Variants in AFF2 observed in about 807,000 individuals in gnomAD.
The protein encoded by AFF2 is AF4/FMR2 family member 2.
A neutral mutation model predicts 76.9 loss-of-function variants in AFF2; 14 were observed. That is an observed-to-expected ratio of 0.18 (90% CI 0.12 to 0.28). The LOEUF (loss-of-function observed/expected upper bound fraction) is 0.28. AFF2 is among the 10% of genes least tolerant of loss of function. The pLI is 1.00. For missense variants in AFF2, 868 were observed against 1,001.1 expected (o/e 0.87, Z 1.79); for synonymous variants, 398 against 366.7 (o/e 1.09, Z -0.98).
At chrX:148,797,435 C>T (rs2069999605) in intron 3 of AFF2, among the ~76,000 whole-genome samples, 1 of 111,902 alleles carries the variant, frequency 8.9e-6, no homozygotes, top group South Asian at 3.8e-4. Context: ...ATATAGATGT[C>T]CACCATACTC....
chrX:148,690,705 C>T (rs782288894), intron 3 of AFF2, among the ~76,000 whole-genome samples: 12 of 112,472 alleles, frequency 1.1e-4, no homozygotes, highest in East Asian at 2.8e-4. Context: ...GATTTGTATC[C>T]CCTACTGGCT....
chrX:148,811,588 C>G (rs1421930038), intron 4 of AFF2, among the ~76,000 whole-genome samples: 1 of 112,261 alleles, frequency 8.9e-6, no homozygotes, highest in Non-Finnish European at 1.9e-5. Flanking sequence ...CTTGTTATTC[C>G]TTTCTTCTCC....
intron 2 of AFF2, among the ~76,000 whole-genome samples, chrX:148,652,882 T>C (rs1362934927): frequency 1.8e-5 from 2 of 112,210 alleles, no homozygotes; most frequent in South Asian, 3.7e-4. Context: ...TTGGTTTTTA[T>C]TGAAATGCAG....
At chrX:148,698,580 A>G (rs1299219949) in intron 3 of AFF2, among the ~76,000 whole-genome samples, 2 of 112,499 alleles carry the variant, frequency 1.8e-5, no homozygotes, top group Non-Finnish European at 3.8e-5. Flanking sequence ...ATTTATACAC[A>G]GAATACTTAG....
At chrX:148,542,143 A>G (rs1180946733) in intron 1 of AFF2, among the ~76,000 whole-genome samples, 2 of 109,795 alleles carry the variant, frequency 1.8e-5, no homozygotes, top group African/African-American at 3.3e-5. Context: ...GCATCTTTTA[A>G]AAACAATGGC....
intron 9 of AFF2, among the ~76,000 whole-genome samples, chrX:148,922,882 C>G (rs2071611256): frequency 8.9e-6 from 1 of 111,937 alleles, no homozygotes; most frequent in South Asian, 3.8e-4. Context: ...TCCTCTCCCT[C>G]CGAGGCAGCA....
At chrX:148,756,662 T>A (rs1735803211) in intron 3 of AFF2, among the ~76,000 whole-genome samples, 2 of 112,577 alleles carry the variant, frequency 1.8e-5, no homozygotes, top group Admixed American at 9.4e-5. Context: ...GAAGGTATAG[T>A]TTTGAATTTT....
At position 148,857,743 on chromosome X, in the gene AFF2, A is replaced by G. The variant is rs1218861233; in HGVS notation, c.1262+14310A>G. On this transcript the variant is annotated intron_variant, in intron 7 of 20. Transcript: ENST00000370460. Reference sequence around the variant, plus strand: ...TGGAAGAGCAACTCTCTTGAAAACCAAACTTCACATAAGTTTTATGCAAAA... The same window carrying G: ...TGGAAGAGCAACTCTCTTGAAAACCGAACTTCACATAAGTTTTATGCAAAA... 6.2e-4 allele frequency among the ~76,000 whole-genome samples: 5 copies of G among 8,116 alleles called. No individual in the cohort carries two copies. The Non-Finnish European group carries it at 7.2e-3, about 12-fold the overall frequency. The allele number at this position is 8,116 out of a possible 115,157, so 7.0% of individuals were successfully genotyped here.
intron 3 of AFF2, among the ~76,000 whole-genome samples, chrX:148,715,218 T>C (rs782322260): frequency 2.7e-5 from 3 of 111,420 alleles, no homozygotes; most frequent in Admixed American, 9.6e-5. Context: ...GCAAGTGATC[T>C]GAGTTTCTTA....
intron 1 of AFF2, among the ~76,000 whole-genome samples, chrX:148,619,774 A>C (rs1168398024): frequency 1.8e-5 from 2 of 111,851 alleles, no homozygotes; most frequent in African/African-American, 6.5e-5. Flanking sequence ...GTTTTTCTCC[A>C]TCTTGCCTCC....
chrX:148,649,429 A>G (rs2054181354), intron 1 of AFF2, among the ~76,000 whole-genome samples: 1 of 112,360 alleles, frequency 8.9e-6, no homozygotes, highest in Admixed American at 9.4e-5. Context: ...AGAAAGGAAA[A>G]AGTTGGAGAT....
intron 3 of AFF2, among the ~76,000 whole-genome samples, chrX:148,696,056 A>G (rs1557261239): frequency 8.9e-6 from 1 of 112,260 alleles, no homozygotes; most frequent in Non-Finnish European, 1.9e-5. Context: ...GTAATGCTTT[A>G]TTGATCAGGT....
chrX:148,949,650 A>G (rs1311338238), intron 9 of AFF2, among the ~76,000 whole-genome samples: 1 of 112,869 alleles, frequency 8.9e-6, no homozygotes, highest in Admixed American at 9.4e-5. Context: ...CTTTGAAGTC[A>G]TTACAAATGT....
chrX:148,690,337 CTAGT>C (rs1447958117), intron 3 of AFF2, among the ~76,000 whole-genome samples: 3 of 112,286 alleles, frequency 2.7e-5, no homozygotes, highest in Non-Finnish European at 5.6e-5. Context: ...TTCCAGTTAA[CTAGT>C]TAGTTACAAC....
intron 3 of AFF2, among the ~76,000 whole-genome samples, chrX:148,741,844 A>G (rs2055359368): frequency 9.0e-6 from 1 of 110,799 alleles, no homozygotes; most frequent in Non-Finnish European, 1.9e-5. Flanking sequence ...CCTGTATTTC[A>G]CTTGGCTCGG....
intron 3 of AFF2, among the ~76,000 whole-genome samples, chrX:148,778,379 G>A (rs191310516): frequency 2.7e-3 from 300 of 111,750 alleles, no homozygotes; most frequent in Non-Finnish European, 4.8e-3. Context: ...AATGAGTTAG[G>A]GAGGAGTCCT....
intron 1 of AFF2, among the ~76,000 whole-genome samples, chrX:148,647,928 A>G (rs1212489861): frequency 1.8e-5 from 2 of 111,834 alleles, no homozygotes; most frequent in Admixed American, 1.9e-4. Context: ...TGAAGACGGC[A>G]TAATTGAACT....
intron 3 of AFF2, among the ~76,000 whole-genome samples, chrX:148,794,658 T>A (rs1259472989): frequency 8.9e-6 from 1 of 111,829 alleles, no homozygotes; most frequent in Non-Finnish European, 1.9e-5. Flanking sequence ...ATTTTGCAGG[T>A]TCCTTTTTAG....
At chrX:148,881,624 T>G (rs1319300533) in intron 7 of AFF2, among the ~76,000 whole-genome samples, 3 of 111,430 alleles carry the variant, frequency 2.7e-5, no homozygotes, top group African/African-American at 9.8e-5. Context: ...TCCAAACTCC[T>G]TTATAGTCTT....
Sources: allele counts gnomAD v4.1 joint callset (sites outside exome capture counted in the v4.1 genomes callset), GRCh38; gene constraint gnomAD v4.1.1; transcripts MANE v1.5; gene names NCBI Gene and HGNC (gene_info 2026-07-23, HGNC 2026-07-21).